The following PARD3 variants were observed in gnomAD, a reference collection of about 807,000 sequenced individuals.
PARD3 encodes the protein par-3 family cell polarity regulator.
A neutral mutation model predicts 155.4 loss-of-function variants in PARD3; 75 were observed. The ratio of observed to expected loss-of-function variants is 0.48; its 90% CI spans 0.40 to 0.58. PARD3 has a LOEUF of 0.58. PARD3 is among the 20% of genes least tolerant of loss of function. PARD3 has a pLI of 0.00. For synonymous variants in PARD3, 576 were observed against 610.5 expected, an observed-to-expected ratio of 0.94 and a Z score of 0.83; for missense variants, 1,642 against 1,721.7, an observed-to-expected ratio of 0.95 and a Z score of 0.82.
intron 2 of PARD3, among the ~76,000 whole-genome samples, chr10:34,606,310 T>C (rs539576672): frequency 6.6e-6 from 1 of 150,800 alleles, no homozygotes; most frequent in African/African-American, 2.4e-5. Context: ...AGAAAGGCAG[T>C]ATAGGCACCA....
chr10:34,383,211 T>C (rs1842026082), intron 8 of PARD3, among the ~76,000 whole-genome samples: 1 of 152,168 alleles, frequency 6.6e-6, no homozygotes, highest in Non-Finnish European at 1.5e-5. Flanking sequence ...GTTTTAAGTA[T>C]AACAAGTATT....
chr10:34,463,492 A>G (rs930418419), intron 4 of PARD3, among the ~76,000 whole-genome samples: 3 of 152,176 alleles, frequency 2.0e-5, no homozygotes, highest in African/African-American at 7.2e-5. Context: ...ATCTAGAAAG[A>G]TATTTTCAGT....
chr10:34,786,664 T>G (rs1164870850), intron 1 of PARD3, among the ~76,000 whole-genome samples: 1 of 146,832 alleles, frequency 6.8e-6, no homozygotes, highest in Non-Finnish European at 1.5e-5. Context: ...CAGGGACAGA[T>G]CTCCATGAGA....
intron 3 of PARD3, among the ~76,000 whole-genome samples, chr10:34,482,600 G>T (rs993914836): frequency 1.3e-5 from 2 of 148,920 alleles, no homozygotes; most frequent in African/African-American, 2.6e-5. Context: ...AATACCATGA[G>T]AAGCCCAGAT....
chr10:34,281,553 G>T lies in PARD3; in HGVS notation c.3176+2582C>A, dbSNP rs151258650. ...TCCCATATGGATGGCATTTACTCAAGACCCAACCTCACAGTGTTGGTAGCA... is the reference window on the plus strand; with the variant it reads ...TCCCATATGGATGGCATTTACTCAATACCCAACCTCACAGTGTTGGTAGCA... On this transcript the variant is annotated intron_variant, in intron 21 of 24. Transcript: ENST00000374788. 3.9e-5 allele frequency among the ~76,000 whole-genome samples: 6 copies of T among 152,146 alleles called. No homozygotes were observed. In the East Asian group the frequency reaches 1.2e-3, roughly 29 times the overall value.
intron 24 of PARD3, among the ~76,000 whole-genome samples, chr10:34,117,226 C>T (rs1322151122): frequency 1.3e-5 from 2 of 152,202 alleles, no homozygotes; most frequent in African/African-American, 2.4e-5. Context: ...TCCTTAGAGA[C>T]ACTCTCAGGC....
intron 1 of PARD3, among the ~76,000 whole-genome samples, chr10:34,778,799 CT>C (rs1205759423): frequency 6.6e-6 from 1 of 152,174 alleles, no homozygotes; most frequent in Admixed American, 6.5e-5. Flanking sequence ...AAAGAGCTGG[CT>C]GTTTAAAATA....
In PARD3 at chr10:34,644,893, G is replaced by A. The variant is rs946790311; in HGVS notation, c.222+51425C>T. ...TTTAGAAATAGGGTCTTACTCTGTC[G>A]CCCAGGCTGGAGTGCAATGATGAGA... On this transcript the variant is annotated intron_variant, in intron 2 of 24. Coordinates refer to ENST00000374788, the MANE Select transcript of PARD3 (RefSeq NM_001184785.2). Among the ~76,000 whole-genome samples the A allele has an allele frequency of 5.9e-5, 9 of 152,168 alleles. No homozygotes were observed. In the South Asian group the frequency reaches 6.2e-4, roughly 11 times the overall value.
At chr10:34,545,880 C>A (rs897011722) in intron 2 of PARD3, among the ~76,000 whole-genome samples, 1 of 152,062 alleles carries the variant, frequency 6.6e-6, no homozygotes, top group Non-Finnish European at 1.5e-5. Flanking sequence ...TTAATTAAAA[C>A]CTATGTAGTT....
intron 23 of PARD3, among the ~76,000 whole-genome samples, chr10:34,123,787 C>A (rs1358326038): frequency 1.3e-5 from 2 of 151,782 alleles, no homozygotes; most frequent in African/African-American, 4.8e-5. Flanking sequence ...AAAATCATTG[C>A]TTCAAAATAA....
intron 2 of PARD3, among the ~76,000 whole-genome samples, chr10:34,616,059 C>T (rs1026441657): frequency 6.6e-6 from 1 of 152,158 alleles, no homozygotes; most frequent in South Asian, 2.1e-4. Context: ...AATAAAAAGC[C>T]TGTAATTCTA....
chr10:34,605,707 CTATA>C (rs1247687960), intron 2 of PARD3, among the ~76,000 whole-genome samples: 3 of 47,876 alleles, frequency 6.3e-5, no homozygotes, highest in African/African-American at 1.3e-4. Flanking sequence ...TATATATCTC[CTATA>C]TATATATATC....
At chr10:34,770,562 C>T (rs984325549) in intron 1 of PARD3, among the ~76,000 whole-genome samples, 4 of 152,132 alleles carry the variant, frequency 2.6e-5, no homozygotes, top group African/African-American at 9.7e-5. Flanking sequence ...GAAACTCTTG[C>T]GCTGGACCTG....
intron 2 of PARD3, among the ~76,000 whole-genome samples, chr10:34,673,240 A>T (rs2093640398): frequency 6.6e-6 from 1 of 152,212 alleles, no homozygotes; most frequent in African/African-American, 2.4e-5. Context: ...CTCTCTATCT[A>T]GGGAGAGCAT....
intron 1 of PARD3, among the ~76,000 whole-genome samples, chr10:34,748,726 G>A (rs1251200304): frequency 1.3e-5 from 2 of 152,188 alleles, no homozygotes; most frequent in Admixed American, 1.3e-4. Flanking sequence ...ACAAGGAACA[G>A]TGAAGTGGCT....
chr10:34,337,474 C>T lies in PARD3; in HGVS notation c.2409-48G>A, dbSNP rs180778004. 71 of 1,329,722 alleles carry T rather than the reference C, an allele frequency of 5.3e-5. No homozygotes were observed. The Admixed American group carries it at 1.3e-3, about 24-fold the overall frequency. The allele number at this position is 1,329,722 out of a possible 1,614,324, so 82.4% of individuals were successfully genotyped here. ...ATAAAAATATTTACTAAAAATAGCA[C>T]GCATCCATTTTAGGGAGGTTCATAC... On this transcript the variant is annotated intron_variant, in intron 16 of 24. Coordinates refer to ENST00000374788, the MANE Select transcript of PARD3 (RefSeq NM_001184785.2).
intron 1 of PARD3, among the ~76,000 whole-genome samples, chr10:34,754,552 G>C (rs1461890192): frequency 6.6e-6 from 1 of 152,108 alleles, no homozygotes. Context: ...TTTATTAATA[G>C]AAAGTCTTTT....
At chr10:34,285,312 CACTTTGGGAGGCTGAG>C (rs1589052893) in intron 20 of PARD3, among the ~76,000 whole-genome samples, 1 of 152,128 alleles carries the variant, frequency 6.6e-6, no homozygotes, top group Non-Finnish European at 1.5e-5. Flanking sequence ...GTAATTCTAG[CACTTTGGGAGGCTGAG>C]GCTTTGGGAG....
At chr10:34,687,846 C>CT (rs397846339) in intron 2 of PARD3, among the ~76,000 whole-genome samples, 2,286 of 63,556 alleles carry the variant, frequency 0.036, 498 homozygotes, top group African/African-American at 0.15. Context: ...CACCTGAAAT[C>CT]TTTTTTTTTT....
Sources: gnomAD v4.1 joint callset for allele counts (sites outside exome capture counted in the v4.1 genomes callset) on GRCh38, gnomAD v4.1.1 for gene constraint, MANE v1.5 for transcripts, NCBI Gene and HGNC (gene_info 2026-07-23, HGNC 2026-07-21) for gene names.